Variants in MBTD1 observed in about 807,000 individuals in gnomAD.
The protein encoded by MBTD1 is MBT domain-containing protein 1.
A neutral mutation model predicts 87.8 loss-of-function variants in MBTD1; 24 were observed. That is an observed-to-expected ratio of 0.27 (90% confidence interval 0.20 to 0.38). The LOEUF (loss-of-function observed/expected upper bound fraction) is 0.38, where lower values mean the gene tolerates loss of function less well. Among genes scored for constraint, MBTD1 ranks in the 10% least tolerant of loss-of-function variants. MBTD1 has a pLI of 1.00. For synonymous variants in MBTD1, 237 were observed against 248.6 expected (o/e 0.95, Z 0.44); for missense variants, 436 against 760.2 (o/e 0.57, Z 5.02).
chr17:51,186,657 C>T (rs929046379), intron 16 of MBTD1, among the ~76,000 whole-genome samples: 2 of 151,988 alleles, frequency 1.3e-5, no homozygotes, highest in Non-Finnish European at 1.5e-5. Context: ...GCCTGTGGTC[C>T]CAGCTACTCG....
At chr17:51,190,304 G>A (rs968988846) in intron 16 of MBTD1, among the ~76,000 whole-genome samples, 4 of 151,804 alleles carry the variant, frequency 2.6e-5, no homozygotes, top group African/African-American at 9.7e-5. Context: ...TTTGTTTTTA[G>A]AGATGGGGTC....
intron 2 of MBTD1, among the ~76,000 whole-genome samples, chr17:51,230,194 T>C (rs1398737387): frequency 1.3e-5 from 2 of 152,184 alleles, no homozygotes; most frequent in Non-Finnish European, 2.9e-5. Flanking sequence ...AAGTGAGACC[T>C]TGAAGGCAAT....
chr17:51,207,196 T>C (rs1489297209), intron 6 of MBTD1, among the ~76,000 whole-genome samples, 191 bp from the exon 7 acceptor site: 2 of 152,214 alleles, frequency 1.3e-5, no homozygotes, highest in African/African-American at 4.8e-5. Flanking sequence ...AAAATTCACA[T>C]ATATTAGACT....
chr17:51,246,163 A>C (rs895291053), intron 2 of MBTD1, among the ~76,000 whole-genome samples: 2 of 152,262 alleles, frequency 1.3e-5, no homozygotes, highest in African/African-American at 4.8e-5. Flanking sequence ...GCATACGCAT[A>C]ATTAGATATC....
chr17:51,217,331 T>C lies in MBTD1; in HGVS notation c.486+3A>G. 6.6e-7 allele frequency: 1 copy of C among 1,514,176 alleles called. No individual in the cohort carries two copies. The highest frequency in any genetic ancestry group is 8.9e-7 in the Non-Finnish European group (1 of 1,122,508). 93.8% of individuals were successfully genotyped at this position (1,514,176 alleles called of 1,614,324 possible). On this transcript the variant is annotated splice_donor_region_variant and intron_variant, in intron 6 of 16. Coordinates refer to ENST00000586178, the MANE Select transcript of MBTD1 (RefSeq NM_017643.3). ...AAAATAAGGTGAGAAATTCTGTACT[T>C]ACATGTTTAAAACAGGTAACCGGAG...
rs56750454 is a variant in MBTD1, at chr17:51,179,484, TTATATATATATATATATATA to T, written c.*1072_*1091del. ...ATCCTGAATACAATTAAAGACAATT[TTATATATATATATATATATA>T]TATATATATATATATATATATATAT... On this transcript the variant is annotated 3_prime_UTR_variant, in exon 17 of 17. Coordinates refer to ENST00000586178, the MANE Select transcript of MBTD1 (RefSeq NM_017643.3). The T allele has an allele frequency of 1.7e-3, 59 of 35,306 alleles. 2 individuals are homozygous for T. Among genetic ancestry groups the T allele is most frequent in the South Asian group, 8.7e-3 (8 of 916 alleles). 2.2% of individuals were successfully genotyped at this position (35,306 alleles called of 1,614,324 possible). A position where few individuals can be genotyped will look rare whatever the true frequency, so the allele number is the denominator to read the frequency against.
intron 2 of MBTD1, among the ~76,000 whole-genome samples, chr17:51,228,442 G>A (rs1234804849): frequency 1.4e-5 from 2 of 147,464 alleles, no homozygotes; most frequent in Non-Finnish European, 3.0e-5. Context: ...CATCTTTAGT[G>A]AATGCTGGTC....
At chr17:51,209,017 T>C (rs1399725958) in intron 6 of MBTD1, among the ~76,000 whole-genome samples, 1 of 152,196 alleles carries the variant, frequency 6.6e-6, no homozygotes, top group Non-Finnish European at 1.5e-5. Flanking sequence ...CCAATCCATA[T>C]GGTTCATTCT....
chr17:51,260,616 T>C (rs778938607), upstream of MBTD1: 7 of 1,612,508 alleles, frequency 4.3e-6, no homozygotes, highest in Non-Finnish European at 5.9e-6. Context: ...CGAATGAAAC[T>C]GGACCGGAGA....
chr17:51,203,353 T>G (rs764235435), intron 8 of MBTD1, 125 bp from the exon 9 acceptor site: 10 of 573,380 alleles, frequency 1.7e-5, no homozygotes, highest in Non-Finnish European at 3.0e-5. Flanking sequence ...GTAACAAATA[T>G]AGAGAAAGCA....
chr17:51,211,504 TAAA>T (rs35259426), intron 6 of MBTD1, among the ~76,000 whole-genome samples: 2 of 135,226 alleles, frequency 1.5e-5, no homozygotes, highest in Admixed American at 7.5e-5. Context: ...TGAGACTGTT[TAAA>T]AAAAAAAAAA....
chr17:51,201,040 C>G (rs1317439213), intron 12 of MBTD1, among the ~76,000 whole-genome samples: 1 of 151,966 alleles, frequency 6.6e-6, no homozygotes, highest in African/African-American at 2.4e-5. Flanking sequence ...GTGATCCCAG[C>G]CACTCTGAAG....
intron 2 of MBTD1, chr17:51,251,395 CA>C (rs1189430167): frequency 5.9e-5 from 9 of 152,314 alleles, no homozygotes; most frequent in Non-Finnish European, 1.3e-4. Context: ...CCTTATGAGG[CA>C]ATGCTTATAA....
chr17:51,252,560 A>G (rs1246328574), intron 2 of MBTD1, among the ~76,000 whole-genome samples: 2 of 151,836 alleles, frequency 1.3e-5, no homozygotes, highest in Non-Finnish European at 2.9e-5. Context: ...ATATGGTAAA[A>G]CCCCATCTCT....
intron 12 of MBTD1, among the ~76,000 whole-genome samples, chr17:51,199,659 C>T (rs1568165251): frequency 6.6e-6 from 1 of 151,752 alleles, no homozygotes; most frequent in Non-Finnish European, 1.5e-5. Flanking sequence ...CCAGGCTGGT[C>T]TCGAACTCCT....
chr17:51,179,052 CAA>C lies in MBTD1; in HGVS notation c.*1522_*1523del, dbSNP rs2050187000. 6.6e-6 allele frequency: 1 copy of C among 151,916 alleles called. No homozygotes were observed. Among genetic ancestry groups the C allele is most frequent in the Non-Finnish European group, 1.5e-5 (1 of 67,974 alleles). The allele number at this position is 151,916 out of a possible 1,614,324, so 9.4% of individuals were successfully genotyped here. The stretch of plus-strand genomic sequence containing the variant: ...CGTTCTATGCATTTTAAAATTCAAA[CAA>C]AAGTCTTACCTAAAATGGTCTCCTG... On this transcript the variant is annotated 3_prime_UTR_variant, in exon 17 of 17. Coordinates refer to ENST00000586178, the MANE Select transcript of MBTD1 (RefSeq NM_017643.3).
chr17:51,237,538 A>G (rs1460253129), intron 2 of MBTD1, among the ~76,000 whole-genome samples: 1 of 152,200 alleles, frequency 6.6e-6, no homozygotes, highest in African/African-American at 2.4e-5. Flanking sequence ...ACAGAAATTC[A>G]AAGATATACA....
intron 2 of MBTD1, among the ~76,000 whole-genome samples, chr17:51,228,068 T>C (rs2053332641): frequency 1.3e-5 from 2 of 151,978 alleles, no homozygotes; most frequent in Admixed American, 1.3e-4. Context: ...TAAAAAAACA[T>C]AAACAATGGT....
chr17:51,214,838 T>C (rs1334789471), intron 6 of MBTD1, among the ~76,000 whole-genome samples: 2 of 152,184 alleles, frequency 1.3e-5, no homozygotes, highest in Non-Finnish European at 2.9e-5. Context: ...AAGACTTTGA[T>C]GATACAAGGC....
Sources: gnomAD v4.1 joint callset for allele counts (sites outside exome capture counted in the v4.1 genomes callset) on GRCh38, gnomAD v4.1.1 for gene constraint, MANE v1.5 for transcripts, NCBI Gene and HGNC (gene_info 2026-07-23, HGNC 2026-07-21) for gene names.